Variants in XPA observed in about 807,000 individuals in gnomAD.
XPA encodes the protein XPA, DNA damage recognition and repair factor.
XPA carries 27 observed loss-of-function variants against 35.7 expected under a neutral mutation model. That is an observed-to-expected ratio of 0.76 (90% CI 0.56 to 1.04). The LOEUF (loss-of-function observed/expected upper bound fraction) is 1.04. Ranked by LOEUF, XPA falls within the 50% of genes least tolerant of loss-of-function variation. The pLI is 0.00. For synonymous variants in XPA, 133 were observed against 118.4 expected (o/e 1.12, Z -0.80); for missense variants, 354 against 342.7 (o/e 1.03, Z -0.26).
At chr9:97,668,213 A>C in the XPA span, among the ~76,000 whole-genome samples, 14 of 152,322 alleles carry the variant, frequency 9.2e-5, no homozygotes, top group African/African-American at 2.9e-4. Flanking sequence ...TGATGCTGGG[A>C]AAGTCATCTA....
the XPA span, chr9:97,664,505 A>G: frequency 9.0e-7 from 1 of 1,115,916 alleles, no homozygotes; most frequent in Non-Finnish European, 1.3e-6. Context: ...GTGGTCTCTT[A>G]TACATAAGCT....
the XPA span, chr9:97,664,308 T>C: frequency 1.5e-6 from 2 of 1,347,300 alleles, no homozygotes; most frequent in Non-Finnish European, 2.1e-6. Context: ...TATGTGTGTG[T>C]GTGATTTACT....
downstream of XPA, among the ~76,000 whole-genome samples, chr9:97,674,525 G>T (rs1330089282): frequency 6.6e-6 from 1 of 152,162 alleles, no homozygotes; most frequent in Admixed American, 6.5e-5. Flanking sequence ...TAACTAACTG[G>T]AATTTGTTTT....
At chr9:97,695,405 A>ATAG (rs1446984150) in intron 1 of XPA, among the ~76,000 whole-genome samples, 1 of 152,238 alleles carries the variant, frequency 6.6e-6, no homozygotes, top group East Asian at 1.9e-4. Flanking sequence ...CTTTACTTGT[A>ATAG]TACTTCTGAC....
chr9:97,690,538 C>G (rs3176665), intron 2 of XPA, among the ~76,000 whole-genome samples: 2,133 of 152,274 alleles, frequency 0.014, 103 homozygotes, highest in East Asian at 0.13. Context: ...CAGGCACGCA[C>G]CACCATGCCC....
chr9:97,684,058 CTT>C (rs3176697), intron 5 of XPA, among the ~76,000 whole-genome samples: 5,935 of 152,232 alleles, frequency 0.039, 406 homozygotes, highest in African/African-American at 0.13. Flanking sequence ...TTTTAAGACT[CTT>C]TTAGGGATTC....
chr9:97,681,965 T>TA (rs1026193813), intron 5 of XPA, among the ~76,000 whole-genome samples: 18 of 152,272 alleles, frequency 1.2e-4, no homozygotes, highest in Admixed American at 4.6e-4. Flanking sequence ...TGATACCAGT[T>TA]AAAAAAACTG....
chr9:97,675,036 G>C lies in XPA; in HGVS notation c.*403C>G, dbSNP rs1036042593. On this transcript the variant is annotated 3_prime_UTR_variant, in exon 6 of 6. Transcript: ENST00000375128. ...ACACATGACTAGAACCTGGGGTACA[G>C]TGGTGCACCACCATTGCTATTATTT... The C allele has an allele frequency of 4.0e-5, 21 of 530,388 alleles. No individual in the cohort carries two copies. Among genetic ancestry groups the C allele is most frequent in the Non-Finnish European group, 7.3e-5 (20 of 274,180 alleles). 32.9% of individuals were successfully genotyped at this position (530,388 alleles called of 1,614,324 possible). A position where few individuals can be genotyped will look rare whatever the true frequency, so the allele number is the denominator to read the frequency against.
the XPA span, among the ~76,000 whole-genome samples, chr9:97,660,333 A>C: frequency 6.6e-6 from 1 of 152,202 alleles, no homozygotes; most frequent in Admixed American, 6.5e-5. Context: ...CTTACGGTGT[A>C]TATTAGCACA....
At chr9:97,663,492 A>AT in the XPA span, among the ~76,000 whole-genome samples, 1 of 151,478 alleles carries the variant, frequency 6.6e-6, no homozygotes, top group African/African-American at 2.4e-5. Flanking sequence ...TGAAATTTAA[A>AT]TTTTTTTTTG....
chr9:97,655,032 A>G, the XPA span: 3 of 1,171,180 alleles, frequency 2.6e-6, no homozygotes, highest in Admixed American at 5.6e-5. Context: ...ATTTTTAAGA[A>G]TTTCCATGTT....
chr9:97,675,345 ATGT>A lies in XPA; in HGVS notation c.*91_*93del. 1 of 1,283,942 alleles carries A rather than the reference ATGT, an allele frequency of 7.8e-7. No individual in the cohort carries two copies. The highest frequency in any genetic ancestry group is 1.1e-6 in the Non-Finnish European group (1 of 928,602). 79.5% of individuals were successfully genotyped at this position (1,283,942 alleles called of 1,614,324 possible). On this transcript the variant is annotated 3_prime_UTR_variant, in exon 6 of 6. Transcript: ENST00000375128. ...ACAAGGGTTTCATTCATCTATGAAG[ATGT>A]TGCTTTTTTTTTTGAATTTTGAAAA...
In XPA at chr9:97,689,574, G is replaced by T; in HGVS notation, c.349C>A (p.Leu117Ile). 6.2e-7 allele frequency: 1 copy of T among 1,613,040 alleles called. No individual in the cohort carries two copies. Among genetic ancestry groups the T allele is most frequent in the Non-Finnish European group, 8.5e-7 (1 of 1,179,284 alleles). ...ECGKEFMDSY[L>I]MNHFDLPTCD... ...GTTGGCAAATCAAAGTGGTTCATAAGATAAGAATCCATAAATTCTTTCCCA... is the reference window on the plus strand; with the variant it reads ...GTTGGCAAATCAAAGTGGTTCATAATATAAGAATCCATAAATTCTTTCCCA... Residue 117 changes from leucine to isoleucine, a missense_variant, in exon 3 of 6, where the codon CTT becomes ATT. Physicochemically the swap from Leu to Ile is conservative, Grantham distance 5 (BLOSUM62 2). Coordinates refer to ENST00000375128, the MANE Select transcript of XPA (RefSeq NM_000380.4).
intron 3 of XPA, among the ~76,000 whole-genome samples, chr9:97,687,633 C>G (rs1828762376): frequency 6.6e-6 from 1 of 152,078 alleles, no homozygotes; most frequent in Non-Finnish European, 1.5e-5. Context: ...CAGGACCTTG[C>G]AAGCAATGGT....
intron 1 of XPA, 74 bp downstream of exon 1, chr9:97,697,040 CCGGGACT>C (rs1487814664): frequency 8.9e-5 from 129 of 1,448,830 alleles, no homozygotes; most frequent in Non-Finnish European, 1.1e-4. Context: ...CCCCCGGGCC[CCGGGACT>C]CGGCTTGCAC....
downstream of XPA, chr9:97,672,248 A>C (rs1828214286): frequency 6.6e-6 from 1 of 151,704 alleles, no homozygotes; most frequent in African/African-American, 2.4e-5. Context: ...TTAGAAAAAA[A>C]TTACCAGTAA....
chr9:97,670,170 C>T (rs752619434), downstream of XPA: 28 of 231,842 alleles, frequency 1.2e-4, no homozygotes, highest in Non-Finnish European at 2.1e-4. Context: ...AGGCCTCCGC[C>T]TCCCAAAGTG....
At chr9:97,688,045 A>G (rs1385623813) in intron 3 of XPA, among the ~76,000 whole-genome samples, 2 of 152,266 alleles carry the variant, frequency 1.3e-5, no homozygotes, top group Non-Finnish European at 2.9e-5. Flanking sequence ...TAAATAATTC[A>G]GAAGTATAAA....
chr9:97,664,156 G>A, the XPA span, among the ~76,000 whole-genome samples: 1 of 152,042 alleles, frequency 6.6e-6, no homozygotes, highest in African/African-American at 2.4e-5. Context: ...TCCCGCCTAG[G>A]TGACAGAGCA....
Sources: gnomAD v4.1 joint callset for allele counts (sites outside exome capture counted in the v4.1 genomes callset) on GRCh38, gnomAD v4.1.1 for gene constraint, MANE v1.5 for transcripts, NCBI Gene and HGNC (gene_info 2026-07-23, HGNC 2026-07-21) for gene names.